Variants in TCF7L2 observed in about 807,000 individuals in gnomAD.
TCF7L2 encodes transcription factor 7-like 2.
In TCF7L2, 23 loss-of-function variants were observed where a neutral mutation model predicts 77.9. The ratio of observed to expected loss-of-function variants is 0.30; its 90% CI spans 0.21 to 0.42. The LOEUF (loss-of-function observed/expected upper bound fraction) is 0.42. TCF7L2 is among the 10% of genes least tolerant of loss of function. TCF7L2 has a pLI of 1.00. For synonymous variants in TCF7L2, 413 were observed against 340.2 expected (o/e 1.21, Z -2.36); for missense variants, 654 against 793.1 (o/e 0.82, Z 2.11).
chr10:112,987,292 G>A (rs118067683), intron 4 of TCF7L2, among the ~76,000 whole-genome samples: 1 of 152,032 alleles, frequency 6.6e-6, no homozygotes, highest in Non-Finnish European at 1.5e-5. Context: ...CAGTTTCCTT[G>A]TCTGTAAAAT....
In TCF7L2 at chr10:113,158,548, A is replaced by G. The variant is rs982697809; in HGVS notation, c.1318+479A>G. ...AAATTAAGGAGGTTTGTCATTCTCT[A>G]GAAGAAATTAGAAATACTGCATAGG... On this transcript the variant is annotated intron_variant, in intron 12 of 13. Coordinates refer to ENST00000627217, the MANE Select transcript of TCF7L2 (RefSeq NM_001146274.2). 3 of 966,782 alleles carry G rather than the reference A, an allele frequency of 3.1e-6. No individual in the cohort carries two copies. In the African/African-American group the frequency reaches 4.9e-5, roughly 16 times the overall value. 59.9% of individuals were successfully genotyped at this position (966,782 alleles called of 1,614,324 possible).
At chr10:112,994,895 T>C (rs766466920) in intron 4 of TCF7L2, among the ~76,000 whole-genome samples, 15 of 151,732 alleles carry the variant, frequency 9.9e-5, no homozygotes, top group Non-Finnish European at 1.8e-4. Flanking sequence ...AGGTCAGGAG[T>C]TCCAGACCAG....
chr10:112,993,252 G>T (rs2042899522), intron 4 of TCF7L2, among the ~76,000 whole-genome samples: 1 of 152,098 alleles, frequency 6.6e-6, no homozygotes, highest in South Asian at 2.1e-4. Context: ...AGGCGCGGTG[G>T]CTCATGCATG....
chr10:112,960,964 AT>A (rs1027674541), intron 3 of TCF7L2, among the ~76,000 whole-genome samples: 10 of 152,160 alleles, frequency 6.6e-5, no homozygotes, highest in Non-Finnish European at 1.3e-4. Flanking sequence ...AAATGCTGGG[AT>A]TACAGGCGCG....
intron 4 of TCF7L2, among the ~76,000 whole-genome samples, chr10:113,029,407 T>C (rs143770423): frequency 1.3e-4 from 20 of 152,282 alleles, no homozygotes; most frequent in Admixed American, 1.1e-3. Flanking sequence ...GAAAAATTGC[T>C]TGTTTCCCAA....
chr10:113,036,127 TCATCATCATC>T (rs2051184920), intron 4 of TCF7L2, among the ~76,000 whole-genome samples: 1 of 124,040 alleles, frequency 8.1e-6, no homozygotes, highest in South Asian at 2.6e-4. Context: ...ATCATCATCA[TCATCATCATC>T]ATCATCATCA....
intron 4 of TCF7L2, among the ~76,000 whole-genome samples, chr10:113,032,869 C>G (rs1039515353): frequency 6.6e-6 from 1 of 152,148 alleles, no homozygotes; most frequent in African/African-American, 2.4e-5. Flanking sequence ...GATATTAGTG[C>G]TCTTTACATT....
At chr10:113,031,583 G>C (rs1332926626) in intron 4 of TCF7L2, among the ~76,000 whole-genome samples, 1 of 151,504 alleles carries the variant, frequency 6.6e-6, no homozygotes, top group Non-Finnish European at 1.5e-5. Context: ...TGCCTCCCAG[G>C]TTCAAGCAAT....
intron 4 of TCF7L2, among the ~76,000 whole-genome samples, chr10:112,974,213 A>G (rs1564732307): frequency 6.6e-6 from 1 of 152,232 alleles, no homozygotes; most frequent in Non-Finnish European, 1.5e-5. Context: ...TAATTATATC[A>G]TTGTATTTGT....
chr10:112,991,879 T>G (rs1313089466), intron 4 of TCF7L2, among the ~76,000 whole-genome samples: 1 of 152,012 alleles, frequency 6.6e-6, no homozygotes, highest in Non-Finnish European at 1.5e-5. Flanking sequence ...AACATCACTG[T>G]GAAGGTGGAA....
At chr10:112,975,439 G>A (rs1233279966) in intron 4 of TCF7L2, among the ~76,000 whole-genome samples, 1 of 152,090 alleles carries the variant, frequency 6.6e-6, no homozygotes, top group Non-Finnish European at 1.5e-5. Context: ...CGTTGCAGGG[G>A]ACCATCCCGT....
chr10:113,126,764 C>T, intron 5 of TCF7L2: 2 of 985,536 alleles, frequency 2.0e-6, no homozygotes, highest in Non-Finnish European at 2.4e-6. Context: ...GGCTGCAGGG[C>T]GGGTGCTGCC....
intron 5 of TCF7L2, among the ~76,000 whole-genome samples, chr10:113,067,836 G>A (rs530234166): frequency 1.3e-5 from 2 of 152,202 alleles, no homozygotes; most frequent in African/African-American, 4.8e-5. Context: ...ACACTTAGAG[G>A]TTTAGTGATC....
In TCF7L2 at chr10:113,098,711, A is replaced by G. The variant is rs140733855; in HGVS notation, c.553-42473A>G. Among the ~76,000 whole-genome samples, 4 of 152,214 alleles carry G rather than the reference A, an allele frequency of 2.6e-5. No homozygotes were observed. In the East Asian group the frequency reaches 7.7e-4, roughly 29 times the overall value. Reference sequence around the variant, plus strand: ...ACAAAGTGAGACTCTGTCTCAAAACAAAACAAAAAACAAAAAAAATGTATT... The same window carrying G: ...ACAAAGTGAGACTCTGTCTCAAAACGAAACAAAAAACAAAAAAAATGTATT... On this transcript the variant is annotated intron_variant, in intron 5 of 13. Transcript: ENST00000627217.
At chr10:113,001,916 C>T (rs2044557717) in intron 4 of TCF7L2, among the ~76,000 whole-genome samples, 1 of 152,174 alleles carries the variant, frequency 6.6e-6, no homozygotes. Flanking sequence ...TCAGCATAGG[C>T]AGGAAGGGCT....
At chr10:112,994,092 T>C (rs1168442358) in intron 4 of TCF7L2, among the ~76,000 whole-genome samples, 1 of 151,506 alleles carries the variant, frequency 6.6e-6, no homozygotes, top group Non-Finnish European at 1.5e-5. Flanking sequence ...TCTACTGAGA[T>C]ATTTAGAAAC....
rs1349844083 is a variant in TCF7L2 at position 112,961,254 on chromosome 10, A to ACCGCTC, written c.382-3300_382-3299insGCTCCC. 1.2e-4 allele frequency among the ~76,000 whole-genome samples: 7 copies of ACCGCTC among 60,502 alleles called. 1 individual carries two copies. Among genetic ancestry groups the ACCGCTC allele is most frequent in the African/African-American group, 1.0e-3 (7 of 6,740 alleles). 39.7% of individuals were successfully genotyped at this position (60,502 alleles called of 152,430 possible). A position where few individuals can be genotyped will look rare whatever the true frequency, so the allele number is the denominator to read the frequency against. On this transcript the variant is annotated intron_variant, in intron 3 of 13. Coordinates refer to ENST00000627217, the MANE Select transcript of TCF7L2 (RefSeq NM_001146274.2). ...GGTCTCGAACTCCCGACCTCAGGTG[A>ACCGCTC]CCCCCCCCCCCCCAACCTCGGCCTT... is the stretch of plus-strand genomic sequence containing the variant.
intron 5 of TCF7L2, among the ~76,000 whole-genome samples, chr10:113,136,575 G>A (rs111727001): frequency 6.6e-6 from 1 of 152,260 alleles, no homozygotes; most frequent in Non-Finnish European, 1.5e-5. Flanking sequence ...TAATGATTTT[G>A]TATCCCCATG....
intron 8 of TCF7L2, among the ~76,000 whole-genome samples, chr10:113,147,081 G>A (rs1225268403): frequency 6.6e-6 from 1 of 152,150 alleles, no homozygotes; most frequent in East Asian, 1.9e-4. Context: ...GTATGTTTTA[G>A]TCGCTAATTG....
Sources: gnomAD v4.1 joint callset for allele counts (sites outside exome capture counted in the v4.1 genomes callset) on GRCh38, gnomAD v4.1.1 for gene constraint, MANE v1.5 for transcripts, NCBI Gene and HGNC (gene_info 2026-07-23, HGNC 2026-07-21) for gene names.